Variants in THPO observed in about 807,000 individuals in gnomAD.
THPO encodes thrombopoietin.
Under a neutral mutation model 17.0 loss-of-function variants are expected in THPO, and 12 were observed. That is an observed-to-expected ratio of 0.71 (90% CI 0.45 to 1.14). The LOEUF (loss-of-function observed/expected upper bound fraction) is 1.14. Among genes scored for constraint, THPO ranks in the 50% most tolerant of loss-of-function variants. The probability of loss-of-function intolerance (pLI) is 0.00; values close to 1 mark genes in which losing one functional copy is unlikely to be tolerated. For synonymous variants in THPO, 188 were observed against 183.0 expected (o/e 1.03, Z -0.22); for missense variants, 365 against 427.5 (o/e 0.85, Z 1.29).
chr3:184,376,722 G>A (rs1714435365), intron 1 of THPO, among the ~76,000 whole-genome samples: 1 of 152,070 alleles, frequency 6.6e-6, no homozygotes, highest in African/African-American at 2.4e-5. Context: ...GTTCATGCCT[G>A]TAATCCAAGC....
chr3:184,372,609 G>C lies in THPO; in HGVS notation c.966C>G (p.Pro322=), dbSNP rs1472659725. 1 of 1,614,010 alleles carries C rather than the reference G, an allele frequency of 6.2e-7. No homozygotes were observed. Among genetic ancestry groups the C allele is most frequent in the Non-Finnish European group, 8.5e-7 (1 of 1,179,936 alleles). ...TTGGAGCAGAAGGGTCAGGAAGCAG[G>C]GGGTGGAGCTGGACCACAGGGGTGG... ...TLPTPVVQLH[P]LLPDPSAPTP... The change falls in exon 6 of 6, where the codon CCC becomes CCG. Residue 322 remains proline, a synonymous_variant. Transcript: ENST00000647395.
At position 184,372,965 on chromosome 3, in the gene THPO, C is replaced by T; in HGVS notation, c.610G>A (p.Glu204Lys). The stretch of plus-strand genomic sequence containing the variant: ...CTGGCTGAGGCAGTGAAGTTTGTCT[C>T]CAACAATCCAGAAGTCCTGTTTGGG... ...ELPNRTSGLL[E>K]TNFTASARTT... is the part of the protein sequence containing the mutation. The change falls in exon 6 of 6, where the codon GAG (glutamate) becomes AAG (lysine). Residue 204 changes from glutamate to lysine, a missense_variant. By Grantham distance (56) the Glu-to-Lys change is moderately conservative. Transcript: ENST00000647395. 1 of 1,614,166 alleles carries T rather than the reference C, an allele frequency of 6.2e-7. No homozygotes were observed. Among genetic ancestry groups the T allele is most frequent in the East Asian group, 2.2e-5 (1 of 44,876 alleles).
chr3:184,376,515 C>G, intron 1 of THPO, 111 bp from the exon 2 acceptor site: 1 of 1,187,994 alleles, frequency 8.4e-7, no homozygotes, highest in Non-Finnish European at 1.1e-6. Context: ...CTGGAACTGC[C>G]AAAGCCCTGA....
In THPO at chr3:184,376,031, G is replaced by T. The variant is rs1714370488; in HGVS notation, c.14-16C>A. On this transcript the variant is annotated splice_polypyrimidine_tract_variant and intron_variant, in intron 2 of 5. Coordinates refer to ENST00000647395, the MANE Select transcript of THPO (RefSeq NM_000460.4). Reference sequence around the variant, plus strand: ...AGGAGCAATTCTTAGATGAGGAGAGGTGAGGTTGAAAGATGAGGAGGAAAT... The same window carrying T: ...AGGAGCAATTCTTAGATGAGGAGAGTTGAGGTTGAAAGATGAGGAGGAAAT... 1 of 1,613,838 alleles carries T rather than the reference G, an allele frequency of 6.2e-7. No homozygotes were observed. Among genetic ancestry groups the T allele is most frequent in the Admixed American group, 1.7e-5 (1 of 59,988 alleles).
upstream of THPO, among the ~76,000 whole-genome samples, chr3:184,379,347 G>T (rs1261535932): frequency 2.0e-5 from 3 of 152,118 alleles, no homozygotes; most frequent in African/African-American, 7.2e-5. Context: ...GGTGAAGGAA[G>T]GGGGTGAGAA....
Position 184,373,521 on chromosome 3 carries a change from G to A in THPO, c.290C>T (p.Ala97Val). 6.2e-7 allele frequency: 1 copy of A among 1,614,108 alleles called. No individual in the cohort carries two copies. The highest frequency in any genetic ancestry group is 8.5e-7 in the Non-Finnish European group (1 of 1,180,028). The stretch of plus-strand genomic sequence containing the variant: ...AGTGGGTCCCAGTTGTCCCCGTGCT[G>A]CCATCACTCCCTCCAGCAGAAGGGT... ...AVTLLLEGVM[A>V]ARGQLGPTCL... is the part of the protein sequence containing the mutation. Residue 97 changes from alanine to valine, a missense_variant, in exon 5 of 6, where the codon GCA becomes GTA. Ala to Val is a moderately conservative substitution (Grantham distance 64). Coordinates refer to ENST00000647395, the MANE Select transcript of THPO (RefSeq NM_000460.4).
Position 184,373,113 on chromosome 3 carries a change from G to T in THPO, c.462C>A (p.His154Gln). 6.2e-7 allele frequency: 1 copy of T among 1,613,784 alleles called. No homozygotes were observed. The highest frequency in any genetic ancestry group is 8.5e-7 in the Non-Finnish European group (1 of 1,180,022). Residue 154 changes from histidine (H) to glutamine (Q), a missense_variant, in exon 6 of 6, where the codon CAC (histidine) becomes CAA (glutamine). Transcript: ENST00000647395. ...DPNAIFLSFQ[H>Q]LLRGKVRFLM... The stretch of plus-strand genomic sequence containing the variant: ...GGAAACGCACCTTTCCTCGGAGCAG[G>T]TGTTGGAAGCTCAGGAAGATGGCAT...
In THPO at chr3:184,378,026, T is replaced by G. The variant is rs1017096388; in HGVS notation, c.-146+49A>C. The stretch of plus-strand genomic sequence containing the variant: ...CCCCAGCTGGGAGCCCATTTCTCTT[T>G]GCTGTCCTTTCTACCCTCACATAAC... On this transcript the variant is annotated intron_variant, in intron 1 of 5. Coordinates refer to ENST00000647395, the MANE Select transcript of THPO (RefSeq NM_000460.4). The G allele has an allele frequency of 3.0e-6, 3 of 984,760 alleles. No individual in the cohort carries two copies. In the African/African-American group the frequency reaches 5.2e-5, roughly 17 times the overall value. 61.0% of individuals were successfully genotyped at this position (984,760 alleles called of 1,614,324 possible).
At chr3:184,378,394 G>A, upstream of THPO, 1 of 985,546 alleles carries the variant, frequency 1.0e-6, no homozygotes, top group Non-Finnish European at 1.2e-6. Context: ...GGGGACAGGA[G>A]CAGAAGTTTT....
chr3:184,372,282 C>A lies in THPO; in HGVS notation c.*231G>T. ...TTGCAAATTTCTGCAGAAAATAGAC[C>A]AAAGAGCTAGCTGCTCTGATGAGTA... is the stretch of plus-strand genomic sequence containing the variant. On this transcript the variant is annotated 3_prime_UTR_variant, in exon 6 of 6. Transcript: ENST00000647395. The A allele has an allele frequency of 3.7e-6, 2 of 540,854 alleles. No individual in the cohort carries two copies. The highest frequency in any genetic ancestry group is 1.9e-5 in the African/African-American group (1 of 53,188). 33.5% of individuals were successfully genotyped at this position (540,854 alleles called of 1,614,324 possible).
chr3:184,379,647 G>C (rs959934581), upstream of THPO, among the ~76,000 whole-genome samples: 1 of 152,120 alleles, frequency 6.6e-6, no homozygotes, highest in Non-Finnish European at 1.5e-5. Context: ...GCGGAACCGG[G>C]TCCTCGCTCA....
intron 1 of THPO, among the ~76,000 whole-genome samples, chr3:184,376,663 G>A (rs1714427634): frequency 1.3e-5 from 2 of 152,074 alleles, no homozygotes; most frequent in South Asian, 4.1e-4. Flanking sequence ...TCACTAACAT[G>A]GTGAAACCCC....
At position 184,376,025 on chromosome 3, in the gene THPO, G is replaced by A. The variant is rs192755653; in HGVS notation, c.14-10C>T. Reference sequence around the variant, plus strand: ...ACCACGAGGAGCAATTCTTAGATGAGGAGAGGTGAGGTTGAAAGATGAGGA... The same window carrying A: ...ACCACGAGGAGCAATTCTTAGATGAAGAGAGGTGAGGTTGAAAGATGAGGA... On this transcript the variant is annotated splice_polypyrimidine_tract_variant and intron_variant, in intron 2 of 5. Coordinates refer to ENST00000647395, the MANE Select transcript of THPO (RefSeq NM_000460.4). The A allele has an allele frequency of 6.2e-7, 1 of 1,613,986 alleles. No homozygotes were observed. Among genetic ancestry groups the A allele is most frequent in the East Asian group, 2.2e-5 (1 of 44,872 alleles).
intron 1 of THPO, among the ~76,000 whole-genome samples, chr3:184,376,861 AG>A (rs772504479): frequency 0.029 from 4,309 of 150,594 alleles, 69 homozygotes; most frequent in African/African-American, 0.038. Flanking sequence ...AAAAAAAGAA[AG>A]AAAGAAAGAA....
upstream of THPO, among the ~76,000 whole-genome samples, chr3:184,379,260 A>G (rs1714771343): frequency 6.6e-6 from 1 of 152,090 alleles, no homozygotes; most frequent in Non-Finnish European, 1.5e-5. Flanking sequence ...GAGAGACAGG[A>G]GACAGGGAGG....
rs765441437 is a variant in THPO at position 184,372,872 on chromosome 3, G to A, written c.703C>T (p.Gln235Ter). 3.7e-6 allele frequency: 6 copies of A among 1,614,026 alleles called. No homozygotes were observed. The highest frequency in any genetic ancestry group is 2.2e-5 in the East Asian group (1 of 44,878). ...ATTTGGTCCAGGGACCTGGAGGTTT[G>A]GTTCAGCAGACCAGGAATCTTGGCT... ...FRAKIPGLLN[Q>*]TSRSLDQIPG... Residue 235 changes from glutamine (Q) to a stop codon, truncating the protein, a stop_gained, in exon 6 of 6, where the codon CAA becomes TAA. Coordinates refer to ENST00000647395, the MANE Select transcript of THPO (RefSeq NM_000460.4). LOFTEE classifies it low-confidence loss of function (END_TRUNC).
Position 184,376,264 on chromosome 3 carries a change from G to A in THPO, c.-5C>T. The A allele has an allele frequency of 6.2e-7, 1 of 1,614,142 alleles. No homozygotes were observed. The highest frequency in any genetic ancestry group is 8.5e-7 in the Non-Finnish European group (1 of 1,180,026). On this transcript the variant is annotated 5_prime_UTR_variant, in exon 2 of 6. Coordinates refer to ENST00000647395, the MANE Select transcript of THPO (RefSeq NM_000460.4). Reference sequence around the variant, plus strand: ...GTTCTCACCAGTCAGCTCCATTCTGGCCGGGGTGTCTGGCTGGCGTGGCTC... The same window carrying A: ...GTTCTCACCAGTCAGCTCCATTCTGACCGGGGTGTCTGGCTGGCGTGGCTC...
Position 184,372,938 on chromosome 3 carries a change from T to C in THPO, c.637A>G (p.Thr213Ala). 1 of 1,613,862 alleles carries C rather than the reference T, an allele frequency of 6.2e-7. No homozygotes were observed. Among genetic ancestry groups the C allele is most frequent in the Non-Finnish European group, 8.5e-7 (1 of 1,179,882 alleles). ...CACTTCAGAAGCCCAGAGCCAGTAGTTCTGGCTGAGGCAGTGAAGTTTGTC... is the reference window on the plus strand; with the variant it reads ...CACTTCAGAAGCCCAGAGCCAGTAGCTCTGGCTGAGGCAGTGAAGTTTGTC... ...LETNFTASAR[T>A]TGSGLLKWQQ... The change falls in exon 6 of 6, where the codon ACT becomes GCT. Residue 213 changes from threonine (T) to alanine (A), a missense_variant. By Grantham distance (58) the Thr-to-Ala change is moderately conservative. Transcript: ENST00000647395.
At chr3:184,376,862 G>A (rs577014904) in intron 1 of THPO, among the ~76,000 whole-genome samples, 1,675 of 140,504 alleles carry the variant, frequency 0.012, 43 homozygotes, top group African/African-American at 0.043. Context: ...AAAAAAGAAA[G>A]AAAGAAAGAA....
Sources: allele counts gnomAD v4.1 joint callset (sites outside exome capture counted in the v4.1 genomes callset), GRCh38; gene constraint gnomAD v4.1.1; transcripts MANE v1.5; gene names NCBI Gene and HGNC (gene_info 2026-07-23, HGNC 2026-07-21).